Variants in MED22 observed in about 807,000 individuals in gnomAD.
MED22 encodes mediator complex subunit 22, also known as mediator of RNA polymerase II transcription subunit 22.
MED22 carries 22 observed loss-of-function variants against 22.7 expected under a neutral mutation model. The observed-to-expected ratio is 0.97, with a 90% CI of 0.69 to 1.38. MED22 has a LOEUF of 1.38. MED22 is among the 40% of genes most tolerant of loss of function. MED22 has a pLI of 0.00. For missense variants in MED22, 247 were observed against 263.0 expected (o/e 0.94, Z 0.42); for synonymous variants, 134 against 119.4 (o/e 1.12, Z -0.80).
chr9:133,338,647 G>A lies in MED22; in HGVS notation c.*2858C>T. ...AGTAGAGACAGGGTTTCTCCATGTT[G>A]GTCAGGCTGGTCTGGAAATCCCGAC... is the stretch of plus-strand genomic sequence containing the variant. On this transcript the variant is annotated 3_prime_UTR_variant, in exon 5 of 5. Coordinates refer to ENST00000343730, the MANE Select transcript of MED22 (RefSeq NM_133640.5). 1 of 251,226 alleles carries A rather than the reference G, an allele frequency of 4.0e-6. No homozygotes were observed. Among genetic ancestry groups the A allele is most frequent in the South Asian group, 4.7e-5 (1 of 21,394 alleles). The allele number at this position is 251,226 out of a possible 1,614,324, so 15.6% of individuals were successfully genotyped here. A position where few individuals can be genotyped will look rare whatever the true frequency, so the allele number is the denominator to read the frequency against.
At position 133,342,438 on chromosome 9, in the gene MED22, C is replaced by T. The variant is rs2129953263; in HGVS notation, c.414-744G>A. On this transcript the variant is annotated intron_variant, in intron 4 of 4. Coordinates refer to ENST00000343730, the MANE Select transcript of MED22 (RefSeq NM_133640.5). ...TGCCCTCAGTGTTCAGTCTCAGAACCGTCCTGGGCACAGAGTGGCATCCCG... is the reference window on the plus strand; with the variant it reads ...TGCCCTCAGTGTTCAGTCTCAGAACTGTCCTGGGCACAGAGTGGCATCCCG... The T allele has an allele frequency of 1.3e-4, 130 of 985,872 alleles. No homozygotes were observed. In the Middle Eastern group the frequency reaches 2.1e-3, roughly 16 times the overall value. The allele number at this position is 985,872 out of a possible 1,614,324, so 61.1% of individuals were successfully genotyped here.
chr9:133,344,090 C>T, intron 4 of MED22, 35 bp downstream of exon 4: 1 of 1,609,966 alleles, frequency 6.2e-7, no homozygotes, highest in Non-Finnish European at 8.5e-7. Flanking sequence ...TAGGCAGGCT[C>T]CCGCTCTGCA....
In MED22 at chr9:133,338,742, G is replaced by A. The variant is rs1020910760; in HGVS notation, c.*2763C>T. 67 of 310,298 alleles carry A rather than the reference G, an allele frequency of 2.2e-4. No homozygotes were observed. Among genetic ancestry groups the A allele is most frequent in the Admixed American group, 4.9e-4 (12 of 24,602 alleles). The allele number at this position is 310,298 out of a possible 1,614,324, so 19.2% of individuals were successfully genotyped here. On this transcript the variant is annotated 3_prime_UTR_variant, in exon 5 of 5. Coordinates refer to ENST00000343730, the MANE Select transcript of MED22 (RefSeq NM_133640.5). ...CAGGCGTAAGCCACCGCGCCCGGCC[G>A]ATTTCTATACTTTTTAGTAGAGACG...
In MED22 at chr9:133,343,303, T is replaced by C. The variant is rs1340852279; in HGVS notation, c.413+822A>G. 3 of 1,228,400 alleles carry C rather than the reference T, an allele frequency of 2.4e-6. No individual in the cohort carries two copies. In the African/African-American group the frequency reaches 4.7e-5, roughly 19 times the overall value. 76.1% of individuals were successfully genotyped at this position (1,228,400 alleles called of 1,614,324 possible). On this transcript the variant is annotated intron_variant, in intron 4 of 4. Coordinates refer to ENST00000343730, the MANE Select transcript of MED22 (RefSeq NM_133640.5). ...AGATGGACATGGACTCTGCATCTGC[T>C]GGACTGAATCTTGATTTTCTAAGCT...
chr9:133,346,314 T>G, intron 2 of MED22: 2 of 553,396 alleles, frequency 3.6e-6, no homozygotes, highest in Non-Finnish European at 6.4e-6. Context: ...GACCCCACCA[T>G]GCAGGAGAAA....
At chr9:133,343,585 T>C in intron 4 of MED22, 6 of 1,243,364 alleles carry the variant, frequency 4.8e-6, no homozygotes, top group Non-Finnish European at 2.0e-6. Flanking sequence ...CTCCAATGGC[T>C]TTCAAGGCCA....
At position 133,348,087 on chromosome 9, in the gene MED22, G is replaced by A. The variant is rs1836254879; in HGVS notation, c.-204C>T. On this transcript the variant is annotated 5_prime_UTR_variant, in exon 1 of 5. Coordinates refer to ENST00000343730, the MANE Select transcript of MED22 (RefSeq NM_133640.5). ...CCGCGGTCCGAAAACCTAGTCAGCC[G>A]CCGCAGCCTCTCGGCCCCGCCTCGA... 2 of 1,083,572 alleles carry A rather than the reference G, an allele frequency of 1.8e-6. No homozygotes were observed. Among genetic ancestry groups the A allele is most frequent in the East Asian group, 2.4e-5 (1 of 41,318 alleles). The allele number at this position is 1,083,572 out of a possible 1,614,324, so 67.1% of individuals were successfully genotyped here.
intron 4 of MED22, 51 bp downstream of exon 4, chr9:133,344,074 C>G: frequency 6.2e-7 from 1 of 1,604,636 alleles, no homozygotes; most frequent in Non-Finnish European, 8.5e-7. Flanking sequence ...GCTGGCCAGG[C>G]CCAGGTAGGC....
chr9:133,340,662 C>T lies in MED22; in HGVS notation c.*843G>A, dbSNP rs1835979662. ...CATCCTCTCCTCTCTAAAATACCGG[C>T]ACTAGGAGCACCGGCTCTGGTAGCA... On this transcript the variant is annotated 3_prime_UTR_variant, in exon 5 of 5. Coordinates refer to ENST00000343730, the MANE Select transcript of MED22 (RefSeq NM_133640.5). 6.6e-6 allele frequency: 1 copy of T among 152,272 alleles called. No individual in the cohort carries two copies. The highest frequency in any genetic ancestry group is 6.5e-5 in the Admixed American group (1 of 15,288). 9.4% of individuals were successfully genotyped at this position (152,272 alleles called of 1,614,324 possible).
At position 133,338,689 on chromosome 9, in the gene MED22, G is replaced by C; in HGVS notation, c.*2816C>G. The C allele has an allele frequency of 3.8e-6, 1 of 266,122 alleles. No homozygotes were observed. The highest frequency in any genetic ancestry group is 4.5e-5 in the Admixed American group (1 of 21,984). 16.5% of individuals were successfully genotyped at this position (266,122 alleles called of 1,614,324 possible). ...AATCCCGACCTCAGGTGATCCGCCC[G>C]CCTTGGCCTCCCAAAGTGCTGGGGT... On this transcript the variant is annotated 3_prime_UTR_variant, in exon 5 of 5. Coordinates refer to ENST00000343730, the MANE Select transcript of MED22 (RefSeq NM_133640.5).
rs2129969178 is a variant in MED22, at chr9:133,346,622, A to C, written c.41T>G (p.Leu14Arg). Residue 14 changes from leucine (L) to arginine (R), a missense_variant, in exon 2 of 5, where the codon CTG becomes CGG. By Grantham distance (102) the Leu-to-Arg change is moderately radical (BLOSUM62 -2). Transcript: ENST00000343730. ...CAGCCGCTTGTTGTAGGACTGCAGC[A>C]GCGTCTCCTTGCTCTGGGGCAGGGC... ...QRALPQSKETLLQSYNKRLKD... is the reference protein window; with the variant it reads ...QRALPQSKETRLQSYNKRLKD... The C allele has an allele frequency of 6.2e-7, 1 of 1,612,808 alleles. No individual in the cohort carries two copies.
At chr9:133,342,421 G>A (rs2129953252) in intron 4 of MED22, 2 of 985,966 alleles carry the variant, frequency 2.0e-6, no homozygotes, top group Non-Finnish European at 2.4e-6. Flanking sequence ...CCTGCCCTCA[G>A]TGTTCAGTCT....
At position 133,346,863 on chromosome 9, in the gene MED22, G is replaced by A. The variant is rs2129970311; in HGVS notation, c.-38-163C>T. 7.2e-5 allele frequency among the ~76,000 whole-genome samples: 11 copies of A among 152,284 alleles called. No individual in the cohort carries two copies. The East Asian group carries it at 1.9e-3, about 27-fold the overall frequency. Reference sequence around the variant, plus strand: ...CTCATTCCATCAGCAGACACCGCAGGGGGTGCCAGGACTGGCCCCGCCTTT... The same window carrying A: ...CTCATTCCATCAGCAGACACCGCAGAGGGTGCCAGGACTGGCCCCGCCTTT... On this transcript the variant is annotated intron_variant, in intron 1 of 4. Transcript: ENST00000343730.
Position 133,341,660 on chromosome 9 carries a change from A to G in MED22, c.448T>C (p.Cys150Arg). Residue 150 changes from cysteine (C) to arginine (R), a missense_variant, in exon 5 of 5, where the codon TGC becomes CGC. Transcript: ENST00000343730. Reference protein sequence around the residue: ...SLCEANDLPLCEAYGRLDLDT... With the variant: ...SLCEANDLPLREAYGRLDLDT... ...AGGTCCAGCCTCCCGTAAGCTTCGC[A>G]CAGAGGCAGGTCATTAGCTTCGCAA... 2 of 1,608,568 alleles carry G rather than the reference A, an allele frequency of 1.2e-6. No homozygotes were observed. Among genetic ancestry groups the G allele is most frequent in the Non-Finnish European group, 1.7e-6 (2 of 1,177,536 alleles).
At chr9:133,345,732 G>A in intron 2 of MED22, among the ~76,000 whole-genome samples, 1 of 152,136 alleles carries the variant, frequency 6.6e-6, no homozygotes, top group Non-Finnish European at 1.5e-5. Context: ...TTTCACAGAA[G>A]CCTGGCCTGC....
intron 4 of MED22, chr9:133,342,479 A>G: frequency 1.0e-6 from 1 of 986,460 alleles, no homozygotes; most frequent in Non-Finnish European, 1.2e-6. Context: ...CGCAAAGGAG[A>G]GGCAGAGCCA....
chr9:133,339,534 G>A lies in MED22; in HGVS notation c.*1971C>T. 1.8e-6 allele frequency: 1 copy of A among 541,748 alleles called. No homozygotes were observed. Among genetic ancestry groups the A allele is most frequent in the Non-Finnish European group, 3.3e-6 (1 of 300,540 alleles). The allele number at this position is 541,748 out of a possible 1,614,324, so 33.6% of individuals were successfully genotyped here. A position where few individuals can be genotyped will look rare whatever the true frequency, so the allele number is the denominator to read the frequency against. On this transcript the variant is annotated 3_prime_UTR_variant, in exon 5 of 5. Coordinates refer to ENST00000343730, the MANE Select transcript of MED22 (RefSeq NM_133640.5). ...AAATAGGCATTAAAAAAACTATTTG[G>A]GGAACAACTGAAGAAATCTGAATAC...
intron 2 of MED22, 117 bp downstream of exon 2, chr9:133,346,423 G>C: frequency 7.6e-7 from 1 of 1,311,172 alleles, no homozygotes; most frequent in Admixed American, 1.8e-5. Flanking sequence ...CCAGCTCCCT[G>C]TGCACTGGGT....
rs2129942383 is a variant in MED22 at position 133,339,277 on chromosome 9, A to G, written c.*2228T>C. 4 of 705,488 alleles carry G rather than the reference A, an allele frequency of 5.7e-6. No individual in the cohort carries two copies. In the East Asian group the frequency reaches 8.3e-5, roughly 15 times the overall value. The allele number at this position is 705,488 out of a possible 1,614,324, so 43.7% of individuals were successfully genotyped here. On this transcript the variant is annotated 3_prime_UTR_variant, in exon 5 of 5. Transcript: ENST00000343730. Reference sequence around the variant, plus strand: ...AATGTGCATATTCAGCACACTAAGCACTCTAAGAGCCGAGAGAGCTTCCTG... The same window carrying G: ...AATGTGCATATTCAGCACACTAAGCGCTCTAAGAGCCGAGAGAGCTTCCTG...
Sources: allele counts gnomAD v4.1 joint callset (sites outside exome capture counted in the v4.1 genomes callset), GRCh38; gene constraint gnomAD v4.1.1; transcripts MANE v1.5; gene names NCBI Gene and HGNC (gene_info 2026-07-23, HGNC 2026-07-21).